Variants in FNBP1 observed in about 807,000 individuals in gnomAD.
The protein encoded by FNBP1 is formin-binding protein 1.
In FNBP1, 26 loss-of-function variants were observed where a neutral mutation model predicts 90.6. That is an observed-to-expected ratio of 0.29 (90% CI 0.21 to 0.40). The LOEUF is 0.40. Ranked by LOEUF, FNBP1 falls within the 10% of genes least tolerant of loss-of-function variation. FNBP1 has a pLI of 1.00. For missense variants in FNBP1, 635 were observed against 768.0 expected (o/e 0.83, Z 2.05); for synonymous variants, 260 against 265.2 (o/e 0.98, Z 0.19).
intron 12 of FNBP1, among the ~76,000 whole-genome samples, chr9:129,904,482 G>A (rs1293240450): frequency 6.6e-6 from 1 of 152,162 alleles, no homozygotes; most frequent in African/African-American, 2.4e-5. Flanking sequence ...TTTGATGAGT[G>A]TCAGCAAAAG....
intron 1 of FNBP1, among the ~76,000 whole-genome samples, chr9:130,003,493 G>C (rs1163761048): frequency 6.6e-6 from 1 of 152,122 alleles, no homozygotes; most frequent in Non-Finnish European, 1.5e-5. Context: ...TGTAATCCCA[G>C]CTACTCGGGA....
At chr9:129,948,356 CTTTTTTTT>C (rs71385491) in intron 6 of FNBP1, among the ~76,000 whole-genome samples, 1 of 64,430 alleles carries the variant, frequency 1.6e-5, no homozygotes, top group Non-Finnish European at 2.6e-5. Context: ...ATTTTGGTGT[CTTTTTTTT>C]TTTTTTTTTT....
chr9:129,893,646 C>T (rs1028537139), intron 16 of FNBP1, among the ~76,000 whole-genome samples: 41 of 68,640 alleles, frequency 6.0e-4, no homozygotes, highest in African/African-American at 2.0e-3. Flanking sequence ...AAGCCAGGCA[C>T]GGGCTCATGC....
chr9:130,030,858 T>A (rs2058742905), intron 1 of FNBP1, among the ~76,000 whole-genome samples: 1 of 152,112 alleles, frequency 6.6e-6, no homozygotes, highest in South Asian at 2.1e-4. Flanking sequence ...TTTGCTAGCT[T>A]AAAAGAGCTG....
chr9:129,984,946 C>T (rs372084879), intron 2 of FNBP1, among the ~76,000 whole-genome samples: 1 of 152,056 alleles, frequency 6.6e-6, no homozygotes, highest in African/African-American at 2.4e-5. Flanking sequence ...TTCCCAGTCT[C>T]GGGTATGTCT....
chr9:129,989,048 C>T (rs1046129855), intron 2 of FNBP1, among the ~76,000 whole-genome samples: 2 of 152,140 alleles, frequency 1.3e-5, no homozygotes, highest in African/African-American at 2.4e-5. Flanking sequence ...TACATGTTCC[C>T]GTCTCAGGAC....
At chr9:129,951,200 A>G (rs181214992) in intron 6 of FNBP1, among the ~76,000 whole-genome samples, 176 of 151,732 alleles carry the variant, frequency 1.2e-3, no homozygotes, top group South Asian at 2.3e-3. Context: ...CAGGTGATCC[A>G]CCTGCCTCGG....
chr9:129,958,985 CAAAA>C (rs60640596), intron 4 of FNBP1, among the ~76,000 whole-genome samples: 16 of 9,152 alleles, frequency 1.7e-3, no homozygotes, highest in South Asian at 0.011. Flanking sequence ...AACTCTGCCT[CAAAA>C]AAAAAAAAAA....
At chr9:130,049,003 T>C in the FNBP1 span, among the ~76,000 whole-genome samples, 1 of 151,134 alleles carries the variant, frequency 6.6e-6, no homozygotes, top group African/African-American at 2.4e-5. Context: ...GATGGTCTCA[T>C]CTCCTGACCT....
At chr9:129,946,648 G>T (rs1468745943) in intron 6 of FNBP1, among the ~76,000 whole-genome samples, 1 of 152,162 alleles carries the variant, frequency 6.6e-6, no homozygotes, top group Non-Finnish European at 1.5e-5. Context: ...AGACCGATAA[G>T]AAAAGGAAGA....
intron 2 of FNBP1, among the ~76,000 whole-genome samples, chr9:129,993,566 T>A (rs2053539281): frequency 6.8e-6 from 1 of 147,988 alleles, no homozygotes; most frequent in African/African-American, 2.5e-5. Flanking sequence ...TCCTCCCTCA[T>A]CAGCCTCCCA....
At chr9:129,968,391 G>A (rs1588956346) in intron 4 of FNBP1, among the ~76,000 whole-genome samples, 10 of 112,010 alleles carry the variant, frequency 8.9e-5, no homozygotes, top group Middle Eastern at 6.3e-3. Flanking sequence ...GCAAAACTCC[G>A]TCTCAAAAAA....
intron 6 of FNBP1, among the ~76,000 whole-genome samples, chr9:129,932,983 A>G (rs1194360802): frequency 6.6e-6 from 1 of 152,104 alleles, no homozygotes; most frequent in Non-Finnish European, 1.5e-5. Context: ...AAAAATTCCC[A>G]TTAGACCTCA....
chr9:130,049,314 G>A, the FNBP1 span, among the ~76,000 whole-genome samples: 84,684 of 152,042 alleles, frequency 0.56, 24,011 homozygotes, highest in East Asian at 0.81. Flanking sequence ...GCTTGAGCCT[G>A]GTAAATTGAG....
At chr9:130,050,904 AT>A in the FNBP1 span, among the ~76,000 whole-genome samples, 120,866 of 139,118 alleles carry the variant, frequency 0.87, 53,333 homozygotes, top group East Asian at 0.97. Flanking sequence ...ATGCTCGCTA[AT>A]TTTTTTTTTT....
intron 1 of FNBP1, among the ~76,000 whole-genome samples, chr9:130,033,547 C>T (rs762678760): frequency 6.6e-6 from 1 of 152,096 alleles, no homozygotes; most frequent in Admixed American, 6.6e-5. Context: ...CTTTAAAACC[C>T]TGAATGTCGG....
At chr9:129,927,434 T>G in intron 7 of FNBP1, 93 bp from the exon 8 acceptor site, 1 of 1,264,286 alleles carries the variant, frequency 7.9e-7, no homozygotes, top group South Asian at 1.4e-5. Context: ...ACAAGTTCTC[T>G]TTGAGGAAAA....
chr9:129,924,241 A>G (rs1174650651), intron 9 of FNBP1, among the ~76,000 whole-genome samples: 1 of 152,250 alleles, frequency 6.6e-6, no homozygotes, highest in Non-Finnish European at 1.5e-5. Context: ...CAGAAGAGCA[A>G]GAAATATCTG....
chr9:129,910,099 A>C (rs1352834390), intron 11 of FNBP1: 1 of 456,012 alleles, frequency 2.2e-6, no homozygotes, highest in Non-Finnish European at 4.4e-6. Flanking sequence ...CAACAGTTTC[A>C]GGCTTTGACA....
Sources: gnomAD v4.1 joint callset for allele counts (sites outside exome capture counted in the v4.1 genomes callset) on GRCh38, gnomAD v4.1.1 for gene constraint, MANE v1.5 for transcripts, NCBI Gene and HGNC (gene_info 2026-07-23, HGNC 2026-07-21) for gene names.